Variants in DYM observed in about 807,000 individuals in gnomAD.
The protein encoded by DYM is dymeclin, also known as dyggve-Melchior-Clausen syndrome protein.
A neutral mutation model predicts 93.1 loss-of-function variants in DYM; 78 were observed. The observed-to-expected ratio is 0.84, with a 90% confidence interval of 0.70 to 1.01. The LOEUF (loss-of-function observed/expected upper bound fraction) is 1.01. Ranked by LOEUF, DYM falls within the 50% of genes least tolerant of loss-of-function variation. The probability of loss-of-function intolerance (pLI) is 0.00; values close to 1 mark genes in which losing one functional copy is unlikely to be tolerated. For synonymous variants in DYM, 321 were observed against 319.7 expected, an observed-to-expected ratio of 1.00 and a Z score of -0.04; for missense variants, 789 against 845.0, an observed-to-expected ratio of 0.93 and a Z score of 0.82.
At chr18:49,350,708 GAAAAAAAGAA>G (rs1226940093) in intron 6 of DYM, among the ~76,000 whole-genome samples, 9 of 41,702 alleles carry the variant, frequency 2.2e-4, no homozygotes, top group South Asian at 7.5e-4. Flanking sequence ...TCCATCTCAA[GAAAAAAAGAA>G]AAAAAAAGAA....
At chr18:49,301,638 A>G (rs1197220861) in intron 8 of DYM, among the ~76,000 whole-genome samples, 3 of 152,208 alleles carry the variant, frequency 2.0e-5, no homozygotes, top group Non-Finnish European at 4.4e-5. Flanking sequence ...AGTATTTATG[A>G]AATTGAAAAA....
chr18:49,058,621 CA>C (rs2075702171), intron 17 of DYM, among the ~76,000 whole-genome samples: 1 of 152,126 alleles, frequency 6.6e-6, no homozygotes, highest in South Asian at 2.1e-4. Flanking sequence ...CACAAATTTA[CA>C]TATTTCAATA....
chr18:49,401,345 C>G (rs74973825), intron 2 of DYM, among the ~76,000 whole-genome samples: 1,806 of 152,316 alleles, frequency 0.012, 35 homozygotes, highest in African/African-American at 0.04. Flanking sequence ...GATGGCCACA[C>G]TATCACTTTG....
rs192821359 is a variant in DYM, at chr18:49,036,571, A to T, written c.*7484T>A. On this transcript the variant is annotated 3_prime_UTR_variant, in exon 18 of 18. Transcript: ENST00000675505. ...TTAAATATGTATACATATTTTTGAG[A>T]CACGGTCTCTCACTCCATTGCCCAG... Among the ~76,000 whole-genome samples the T allele has an allele frequency of 1.8e-3, 277 of 152,270 alleles. 2 individuals carry two copies. Among genetic ancestry groups the T allele is most frequent in the Non-Finnish European group, 3.5e-3 (239 of 68,028 alleles).
At chr18:49,334,733 C>T (rs1172944444) in intron 6 of DYM, among the ~76,000 whole-genome samples, 1 of 152,152 alleles carries the variant, frequency 6.6e-6, no homozygotes, top group Non-Finnish European at 1.5e-5. Flanking sequence ...GCTCATTAAA[C>T]AAATTAATGA....
intron 8 of DYM, among the ~76,000 whole-genome samples, chr18:49,289,748 T>C (rs868847097): frequency 4.9e-5 from 2 of 41,170 alleles, no homozygotes; most frequent in African/African-American, 2.1e-4. Flanking sequence ...TATATATATA[T>C]ATATATATAT....
intron 14 of DYM, among the ~76,000 whole-genome samples, chr18:49,202,605 C>G (rs1284765478): frequency 7.2e-5 from 9 of 124,334 alleles, no homozygotes; most frequent in Non-Finnish European, 1.0e-4. Flanking sequence ...TCTGCCCGGC[C>G]GCCCATTGTC....
intron 8 of DYM, among the ~76,000 whole-genome samples, chr18:49,318,027 C>T (rs138965002): frequency 2.7e-4 from 41 of 152,188 alleles, no homozygotes; most frequent in African/African-American, 8.7e-4. Context: ...TACATAGACC[C>T]TACCATCTCT....
At position 49,058,172 on chromosome 18, in the gene DYM, C is replaced by CA. The variant is rs576620000; in HGVS notation, c.2026-13969dup. ...TTCTCTATCATGATTTTTTTCAAAT[C>CA]AATGCCCCAGAAGGCAAGTAAAACA... On this transcript the variant is annotated intron_variant, in intron 17 of 17. Transcript: ENST00000675505. 6.3e-3 allele frequency among the ~76,000 whole-genome samples: 961 copies of CA among 152,280 alleles called. 5 individuals are homozygous for CA. The highest frequency in any genetic ancestry group is 0.014 in the South Asian group (67 of 4,826).
chr18:49,265,460 G>A (rs1000715803), intron 11 of DYM, among the ~76,000 whole-genome samples: 1 of 152,200 alleles, frequency 6.6e-6, no homozygotes, highest in Non-Finnish European at 1.5e-5. Flanking sequence ...ATATGAGAAG[G>A]TGAATAAAAT....
At chr18:49,235,417 G>A (rs2144568697) in intron 13 of DYM, among the ~76,000 whole-genome samples, 1 of 151,952 alleles carries the variant, frequency 6.6e-6, no homozygotes, top group South Asian at 2.1e-4. Flanking sequence ...AAAAGCTAAA[G>A]AATAACAGAA....
Position 49,363,054 on chromosome 18 carries a change from C to T in DYM, c.494+107G>A, listed in dbSNP as rs189921112. 2.5e-5 allele frequency: 21 copies of T among 834,352 alleles called. No individual in the cohort carries two copies. In the African/African-American group the frequency reaches 3.5e-4, roughly 14 times the overall value. The allele number at this position is 834,352 out of a possible 1,614,324, so 51.7% of individuals were successfully genotyped here. The stretch of plus-strand genomic sequence containing the variant: ...CTGTGGATATAGAATCCTTAAAAGG[C>T]ACACATATAAGTTCTATACAAGGAC... On this transcript the variant is annotated intron_variant, in intron 6 of 17. Coordinates refer to ENST00000675505, the MANE Select transcript of DYM (RefSeq NM_001353214.3).
chr18:49,424,193 T>C (rs1810801407), intron 2 of DYM, among the ~76,000 whole-genome samples: 1 of 152,094 alleles, frequency 6.6e-6, no homozygotes, highest in Non-Finnish European at 1.5e-5. Flanking sequence ...AAAAAGCTTA[T>C]CCACCATGAT....
intron 13 of DYM, among the ~76,000 whole-genome samples, chr18:49,230,891 T>G (rs907803385): frequency 2.0e-5 from 3 of 152,162 alleles, no homozygotes; most frequent in Non-Finnish European, 4.4e-5. Flanking sequence ...ATAACCTATA[T>G]GTAGAAATAA....
intron 17 of DYM, among the ~76,000 whole-genome samples, chr18:49,080,267 T>C: frequency 8.4e-6 from 1 of 118,978 alleles, no homozygotes; most frequent in African/African-American, 3.2e-5. Context: ...GGCTCCTCAC[T>C]TCCCAGTAGG....
At chr18:49,243,666 CA>C (rs59748721) in intron 13 of DYM, among the ~76,000 whole-genome samples, 119 of 114,192 alleles carry the variant, frequency 1.0e-3, no homozygotes, top group East Asian at 5.2e-3. Flanking sequence ...GGCTCTGTCT[CA>C]AAAAAAAAAA....
intron 13 of DYM, among the ~76,000 whole-genome samples, chr18:49,243,868 GAC>G (rs909038463): frequency 7.2e-5 from 11 of 152,032 alleles, no homozygotes; most frequent in Non-Finnish European, 1.6e-4. Context: ...AGTAAGTTAT[GAC>G]AGAGTTGTAT....
chr18:49,457,205 G>C (rs2083057322), intron 1 of DYM, among the ~76,000 whole-genome samples: 1 of 152,110 alleles, frequency 6.6e-6, no homozygotes, highest in Admixed American at 6.6e-5. Flanking sequence ...CTTTCATTAG[G>C]AGTCTTCTTT....
chr18:49,267,201 A>G (rs473376), intron 11 of DYM, among the ~76,000 whole-genome samples: 2 of 98,396 alleles, frequency 2.0e-5, no homozygotes, highest in African/African-American at 6.2e-5. Flanking sequence ...GTAACTTTTT[A>G]AAAAAAAAAA....
Sources: allele counts gnomAD v4.1 joint callset (sites outside exome capture counted in the v4.1 genomes callset), GRCh38; gene constraint gnomAD v4.1.1; transcripts MANE v1.5; gene names NCBI Gene and HGNC (gene_info 2026-07-23, HGNC 2026-07-21).